The following OPLAH variants were observed in gnomAD, a reference collection of about 807,000 sequenced individuals.
OPLAH encodes the protein 5-oxoprolinase.
In OPLAH, 103 loss-of-function variants were observed where a neutral mutation model predicts 122.8. That is an observed-to-expected ratio of 0.84 (90% CI 0.71 to 0.99). The LOEUF is 0.99. Ranked by LOEUF, OPLAH falls within the 50% of genes least tolerant of loss-of-function variation. The pLI, the probability that OPLAH is intolerant of heterozygous loss-of-function variation, is 0.00. For synonymous variants in OPLAH, 875 were observed against 796.0 expected (o/e 1.10, Z -1.67); for missense variants, 1,902 against 1,836.5 (o/e 1.04, Z -0.65).
At position 144,052,225 on chromosome 8, in the gene OPLAH, A is replaced by T. The variant is rs781834241; in HGVS notation, c.3405T>A (p.Gly1135=). The T allele has an allele frequency of 6.4e-7, 1 of 1,571,452 alleles. No individual in the cohort carries two copies. Among genetic ancestry groups the T allele is most frequent in the South Asian group, 1.1e-5 (1 of 87,550 alleles). Reference sequence around the variant, plus strand: ...GTGTGTTGGTCATGTGGCTGTGCACACCGCTGCGCCCGTGCCAGCTGGGAC... The same window carrying T: ...GTGTGTTGGTCATGTGGCTGTGCACTCCGCTGCGCCCGTGCCAGCTGGGAC... ...GAGPSWHGRS[G]VHSHMTNTRI... Residue 1135 remains glycine, a synonymous_variant, in exon 24 of 27, where the codon GGT becomes GGA. Transcript: ENST00000618853.
chr8:144,052,392 C>T lies in OPLAH; in HGVS notation c.3303+57G>A. ...GCGTCCCCACCTCGCCCTCCCGCTC[C>T]TACTCCAGCCTGCCCACCCAGTCCG... On this transcript the variant is annotated intron_variant, in intron 23 of 26. Coordinates refer to ENST00000618853, the MANE Select transcript of OPLAH (RefSeq NM_017570.5). 2.6e-6 allele frequency: 4 copies of T among 1,521,182 alleles called. No individual in the cohort carries two copies. In the East Asian group the frequency reaches 9.9e-5, roughly 37 times the overall value. The allele number at this position is 1,521,182 out of a possible 1,614,324, so 94.2% of individuals were successfully genotyped here.
rs782430102 is a variant in OPLAH at position 144,054,700 on chromosome 8, A to G, written c.2547T>C (p.Tyr849=). 3 of 1,612,466 alleles carry G rather than the reference A, an allele frequency of 1.9e-6. No homozygotes were observed. Among genetic ancestry groups the G allele is most frequent in the East Asian group, 2.2e-5 (1 of 44,874 alleles). ...FWPGQTRPVF[Y]VASRGHHADI... ...CTGCGTGGTGCCCTCGGCTGGCCAC[A>G]TAGAACACAGGCCGCGTCTGACCCG... The change falls in exon 19 of 27, where the codon TAT becomes TAC. Residue 849 remains tyrosine, a synonymous_variant. Coordinates refer to ENST00000618853, the MANE Select transcript of OPLAH (RefSeq NM_017570.5).
At position 144,057,724 on chromosome 8, in the gene OPLAH, G is replaced by A; in HGVS notation, c.1157-11C>T. 6.2e-7 allele frequency: 1 copy of A among 1,610,018 alleles called. No individual in the cohort carries two copies. Among genetic ancestry groups the A allele is most frequent in the Non-Finnish European group, 8.5e-7 (1 of 1,178,296 alleles). On this transcript the variant is annotated splice_polypyrimidine_tract_variant and intron_variant, in intron 9 of 26. Transcript: ENST00000618853. The stretch of plus-strand genomic sequence containing the variant: ...CTGTCACAGGGCCCCCTGGGAGGTG[G>A]ACAGGGTGTGGGGCTTGGGGGCTGG...
rs905023926 is a variant in OPLAH at position 144,058,254 on chromosome 8, C to T, written c.934G>A (p.Gly312Ser). The change falls in exon 7 of 27, where the codon GGC becomes AGC. Residue 312 changes from glycine to serine, a missense_variant. Coordinates refer to ENST00000618853, the MANE Select transcript of OPLAH (RefSeq NM_017570.5). ...YQQEGGQPVIGFDMGGTSTDV... is the reference protein window; with the variant it reads ...YQQEGGQPVISFDMGGTSTDV... ...GCCCTCATACCTCCCATGTCAAAGC[C>T]GATGACAGGCTGGCCACCCTCCTGC... 8.1e-6 allele frequency: 13 copies of T among 1,610,314 alleles called. No homozygotes were observed. The highest frequency in any genetic ancestry group is 3.3e-5 in the Admixed American group (2 of 59,906).
chr8:144,057,380 G>C lies in OPLAH; in HGVS notation c.1423-60C>G, dbSNP rs782154816. 1.6e-5 allele frequency: 25 copies of C among 1,582,494 alleles called. No homozygotes were observed. The East Asian group carries it at 5.7e-4, about 36-fold the overall frequency. On this transcript the variant is annotated intron_variant, in intron 10 of 26. Coordinates refer to ENST00000618853, the MANE Select transcript of OPLAH (RefSeq NM_017570.5). ...CTCTACCCCATCCAGCCCCCAGCCT[G>C]AGCAGGAGGCCTGGGGCAGGGAGCA...
At position 144,051,799 on chromosome 8, in the gene OPLAH, T is replaced by C; in HGVS notation, c.3650A>G (p.Asn1217Ser). Residue 1217 changes from asparagine to serine, a missense_variant, in exon 26 of 27, where the codon AAC (asparagine) becomes AGC (serine). By Grantham distance (46) the Asn-to-Ser change is conservative. Coordinates refer to ENST00000618853, the MANE Select transcript of OPLAH (RefSeq NM_017570.5). ...CCGGCCGTTTTTGCGGATCAGCAGG[T>C]TTAGGCCGCGGGCGCCAGGCTCGCC... ...HGGEPGARGL[N>S]LLIRKNGRTV... The C allele has an allele frequency of 6.3e-7, 1 of 1,583,128 alleles. No homozygotes were observed. The highest frequency in any genetic ancestry group is 1.1e-5 in the South Asian group (1 of 89,098).
chr8:144,051,072 C>T (rs781888453), downstream of OPLAH: 11 of 1,330,866 alleles, frequency 8.3e-6, no homozygotes, highest in African/African-American at 1.5e-5. Context: ...GTGGCTGGGC[C>T]TGCGGCACTG....
upstream of OPLAH, among the ~76,000 whole-genome samples, chr8:144,061,281 G>A (rs782338614): frequency 5.3e-5 from 8 of 152,198 alleles, no homozygotes; most frequent in Non-Finnish European, 1.0e-4. Flanking sequence ...TGAGATAGGA[G>A]GTCAGCACAA....
upstream of OPLAH, among the ~76,000 whole-genome samples, chr8:144,061,656 C>T (rs1179384310): frequency 6.6e-6 from 1 of 152,248 alleles, no homozygotes; most frequent in African/African-American, 2.4e-5. Flanking sequence ...CACGAAGTTA[C>T]CCTATATGGT....
Position 144,057,472 on chromosome 8 carries a change from G to T in OPLAH, c.1398C>A (p.Cys466Ter). 1 of 1,590,538 alleles carries T rather than the reference G, an allele frequency of 6.3e-7. No individual in the cohort carries two copies. Among genetic ancestry groups the T allele is most frequent in the Non-Finnish European group, 8.6e-7 (1 of 1,169,010 alleles). Residue 466 changes from cysteine to a stop codon, truncating the protein, a stop_gained, in exon 10 of 27, where the codon TGC (cysteine) becomes TGA (stop). Transcript: ENST00000618853. LOFTEE classifies it high-confidence loss of function. ...CCTGCGTGAGTGCACGGATGGGCCG[G>T]CACATGGCCTCGTTGGCCACGCGCA... ...GFVRVANEAM[C>*]RPIRALTQAR... is the part of the protein sequence containing the mutation.
intron 26 of OPLAH, 125 bp from the exon 27 acceptor site, chr8:144,051,597 G>C: frequency 8.6e-7 from 1 of 1,159,566 alleles, no homozygotes; most frequent in Non-Finnish European, 1.2e-6. Flanking sequence ...CGGAGGCCCG[G>C]TACGCGCCCC....
At position 144,058,685 on chromosome 8, in the gene OPLAH, G is replaced by C. The variant is rs782092730; in HGVS notation, c.594C>G (p.Ala198=). Residue 198 remains alanine, a synonymous_variant, in exon 6 of 27, where the codon GCC becomes GCG. Coordinates refer to ENST00000618853, the MANE Select transcript of OPLAH (RefSeq NM_017570.5). ...AVVLMHSYTW[A]QHEQQVGVLA... ...GCACACCCACCTGCTGCTCATGCTG[G>C]GCCCACCTATGACAAAAACCCAGTG... 6.3e-7 allele frequency: 1 copy of C among 1,588,450 alleles called. No homozygotes were observed. Among genetic ancestry groups the C allele is most frequent in the South Asian group, 1.1e-5 (1 of 89,050 alleles).
rs1835552188 is a variant in OPLAH, at chr8:144,057,517, C to G, written c.1353G>C (p.Glu451Asp). 4 of 1,599,816 alleles carry G rather than the reference C, an allele frequency of 2.5e-6. No individual in the cohort carries two copies. The highest frequency in any genetic ancestry group is 3.4e-6 in the Non-Finnish European group (4 of 1,173,852). ...GPCPASPLSL[E>D]EVAMGFVRVA... ...CGCGCACGAACCCCATGGCCACCTC[C>G]TCCAGGCTCAGCGGGGAGGCCGGGC... The change falls in exon 10 of 27, where the codon GAG becomes GAC. Residue 451 changes from glutamate (E) to aspartate (D), a missense_variant. Transcript: ENST00000618853.
At chr8:144,061,441 G>T (rs1261454011), upstream of OPLAH, among the ~76,000 whole-genome samples, 1 of 151,628 alleles carries the variant, frequency 6.6e-6, no homozygotes. Context: ...GCTGGAACCC[G>T]GGAGGCGGAG....
Position 144,056,213 on chromosome 8 carries a change from T to C in OPLAH, c.2030A>G (p.Tyr677Cys), listed in dbSNP as rs781878355. 7 of 1,611,982 alleles carry C rather than the reference T, an allele frequency of 4.3e-6. No individual in the cohort carries two copies. The highest frequency in any genetic ancestry group is 4.0e-5 in the African/African-American group (3 of 74,920). The stretch of plus-strand genomic sequence containing the variant: ...CCCATAGCCCAGCTCTGCCAGCAGG[T>C]ACACAGGGGTCTCCTGGTAGCCCCC... ...FEGGYQETPVYLLAELGYGHK... is the reference protein window; with the variant it reads ...FEGGYQETPVCLLAELGYGHK... The change falls in exon 15 of 27, where the codon TAC (tyrosine) becomes TGC (cysteine). Residue 677 changes from tyrosine to cysteine, a missense_variant. Transcript: ENST00000618853.
intron 6 of OPLAH, 42 bp from the exon 7 acceptor site, chr8:144,058,446 G>C (rs782604750): frequency 1.9e-6 from 3 of 1,577,602 alleles, no homozygotes; most frequent in South Asian, 1.1e-5. Flanking sequence ...GCAGGCCAAG[G>C]CCCAGGCCCA....
In OPLAH at chr8:144,056,534, C is replaced by T. The variant is rs376323013; in HGVS notation, c.1845-11G>A. ...AACTCCCTCATGTACCTGCACTCCCCGCGGGGACCCAAGGAGTGGTCAGAG... is the reference window on the plus strand; with the variant it reads ...AACTCCCTCATGTACCTGCACTCCCTGCGGGGACCCAAGGAGTGGTCAGAG... On this transcript the variant is annotated splice_polypyrimidine_tract_variant and intron_variant, in intron 13 of 26. Coordinates refer to ENST00000618853, the MANE Select transcript of OPLAH (RefSeq NM_017570.5). 4.3e-6 allele frequency: 7 copies of T among 1,612,056 alleles called. No homozygotes were observed. The African/African-American group carries it at 5.3e-5, about 12-fold the overall frequency.
rs1835510525 is a variant in OPLAH, at chr8:144,056,247, A to G, written c.1996T>C (p.Tyr666His). The G allele has an allele frequency of 6.2e-7, 1 of 1,611,346 alleles. No homozygotes were observed. Among genetic ancestry groups the G allele is most frequent in the South Asian group, 1.1e-5 (1 of 91,064 alleles). The change falls in exon 15 of 27, where the codon TAC (tyrosine) becomes CAC (histidine). Residue 666 changes from tyrosine to histidine, a missense_variant. Coordinates refer to ENST00000618853, the MANE Select transcript of OPLAH (RefSeq NM_017570.5). ...PPRVDKMTQC[Y>H]FEGGYQETPV... Reference sequence around the variant, plus strand: ...GTCTCCTGGTAGCCCCCCTCAAAGTAGCACTGGGTCATCTGCAGAGGGTGC... The same window carrying G: ...GTCTCCTGGTAGCCCCCCTCAAAGTGGCACTGGGTCATCTGCAGAGGGTGC...
Position 144,055,122 on chromosome 8 carries a change from G to A in OPLAH, c.2316C>T (p.Ser772=). The part of the protein sequence containing the change: ...STNIKERLDF[S]CALFGPDGGL... Reference sequence around the variant, plus strand: ...CCCCATCGGGCCCAAAGAGGGCACAGGAGAAGTCCAGACGCTCCTTGATGT... The same window carrying A: ...CCCCATCGGGCCCAAAGAGGGCACAAGAGAAGTCCAGACGCTCCTTGATGT... Residue 772 remains serine, a synonymous_variant, in exon 17 of 27, where the codon TCC becomes TCT. Coordinates refer to ENST00000618853, the MANE Select transcript of OPLAH (RefSeq NM_017570.5). This position sits in a 1 kb window ranked among gnomAD's most constrained non-coding sequence, Gnocchi z 6.5. 1 of 1,589,104 alleles carries A rather than the reference G, an allele frequency of 6.3e-7. No homozygotes were observed. Among genetic ancestry groups the A allele is most frequent in the East Asian group, 2.2e-5 (1 of 44,718 alleles).
Sources: allele counts gnomAD v4.1 joint callset (sites outside exome capture counted in the v4.1 genomes callset), GRCh38; gene constraint gnomAD v4.1.1; non-coding constraint Gnocchi (gnomAD v3.1); transcripts MANE v1.5; gene names NCBI Gene and HGNC (gene_info 2026-07-23, HGNC 2026-07-21).